The following KLHL28 variants were observed in gnomAD, a reference collection of about 807,000 sequenced individuals.
KLHL28 encodes kelch like family member 28, also known as kelch-like protein 28.
A neutral mutation model predicts 48.3 loss-of-function variants in KLHL28; 22 were observed. That is an observed-to-expected ratio of 0.46 (90% confidence interval 0.33 to 0.65). KLHL28 has a LOEUF of 0.65. Ranked by LOEUF, KLHL28 falls within the 30% of genes least tolerant of loss-of-function variation. The pLI, the probability that KLHL28 is intolerant of heterozygous loss-of-function variation, is 0.03. For synonymous variants in KLHL28, 243 were observed against 242.4 expected (o/e 1.00, Z -0.02); for missense variants, 527 against 704.3 (o/e 0.75, Z 2.85).
At chr14:44,930,056 A>G (rs1028177786) in intron 4 of KLHL28, among the ~76,000 whole-genome samples, 31 of 152,300 alleles carry the variant, frequency 2.0e-4, no homozygotes, top group Middle Eastern at 3.4e-3. Flanking sequence ...TTTAGATATT[A>G]TCTTATATAG....
chr14:44,938,107 A>C (rs936834594), intron 2 of KLHL28, among the ~76,000 whole-genome samples: 7 of 152,142 alleles, frequency 4.6e-5, no homozygotes, highest in Non-Finnish European at 1.0e-4. Context: ...ATAGCCCCAA[A>C]AGTCTTAACT....
rs147901806 is a variant in KLHL28 at position 44,926,817 on chromosome 14, T to G, written c.*2211A>C. 1.3e-5 allele frequency: 2 copies of G among 152,336 alleles called. No homozygotes were observed. Among genetic ancestry groups the G allele is most frequent in the East Asian group, 3.9e-4 (2 of 5,188 alleles). The allele number at this position is 152,336 out of a possible 1,614,324, so 9.4% of individuals were successfully genotyped here. A position where few individuals can be genotyped will look rare whatever the true frequency, so the allele number is the denominator to read the frequency against. Reference sequence around the variant, plus strand: ...GCCACTGCGCCCGTCCTAAAATCATTTTCCACAGTCTTTCAAATTCCCTTA... The same window carrying G: ...GCCACTGCGCCCGTCCTAAAATCATGTTCCACAGTCTTTCAAATTCCCTTA... On this transcript the variant is annotated 3_prime_UTR_variant, in exon 5 of 5. Transcript: ENST00000396128.
intron 4 of KLHL28, 53 bp from the exon 5 acceptor site, chr14:44,929,244 T>G: frequency 7.1e-7 from 1 of 1,405,954 alleles, no homozygotes; most frequent in Non-Finnish European, 9.7e-7. Flanking sequence ...TGAAGTATAC[T>G]TTTTCTCACT....
intron 2 of KLHL28, among the ~76,000 whole-genome samples, chr14:44,941,315 G>T (rs545995670): frequency 6.6e-6 from 1 of 152,008 alleles, no homozygotes; most frequent in Non-Finnish European, 1.5e-5. Context: ...TGTATCTACA[G>T]CATTTCTACA....
At chr14:44,930,762 G>A (rs1009899254) in intron 4 of KLHL28, among the ~76,000 whole-genome samples, 1 of 152,156 alleles carries the variant, frequency 6.6e-6, no homozygotes, top group African/African-American at 2.4e-5. Flanking sequence ...TGTATGAGGA[G>A]TGCTCCCTAA....
At chr14:44,958,973 C>T (rs1884919624) in intron 1 of KLHL28, among the ~76,000 whole-genome samples, 1 of 151,744 alleles carries the variant, frequency 6.6e-6, no homozygotes. Flanking sequence ...AATTTCTTAA[C>T]TTATTAAAGT....
intron 3 of KLHL28, among the ~76,000 whole-genome samples, chr14:44,933,056 G>A (rs1274864795): frequency 1.3e-5 from 2 of 152,034 alleles, no homozygotes; most frequent in Non-Finnish European, 1.5e-5. Flanking sequence ...TAAGCTACAC[G>A]TATCCTCTTG....
intron 2 of KLHL28, among the ~76,000 whole-genome samples, chr14:44,942,623 C>T (rs539763437): frequency 6.6e-6 from 1 of 151,832 alleles, no homozygotes; most frequent in Non-Finnish European, 1.5e-5. Flanking sequence ...GAACCCTTTA[C>T]TTCTGAATAC....
chr14:44,932,963 G>C (rs2138586576), intron 3 of KLHL28, among the ~76,000 whole-genome samples: 1 of 152,208 alleles, frequency 6.6e-6, no homozygotes, highest in Non-Finnish European at 1.5e-5. Flanking sequence ...TAGAGGATTG[G>C]TTCCAGGATC....
Position 44,945,261 on chromosome 14 carries a change from C to G in KLHL28, c.668G>C (p.Ser223Thr). 6.2e-7 allele frequency: 1 copy of G among 1,614,082 alleles called. No homozygotes were observed. Among genetic ancestry groups the G allele is most frequent in the South Asian group, 1.1e-5 (1 of 91,074 alleles). The change falls in exon 2 of 5, where the codon AGT becomes ACT. Residue 223 changes from serine (S) to threonine (T), a missense_variant. Coordinates refer to ENST00000396128, the MANE Select transcript of KLHL28 (RefSeq NM_017658.5). ...RQKYLAQLLN[S>T]VRLPLLSVKF... ...AACACTCAACAATGGTAATCGTACA[C>G]TGTTTAGTAACTGTGCTAAGTATTT...
chr14:44,939,821 T>G (rs771086394), intron 2 of KLHL28, among the ~76,000 whole-genome samples: 3 of 152,212 alleles, frequency 2.0e-5, no homozygotes, highest in Admixed American at 6.5e-5. Flanking sequence ...CACGGCAATC[T>G]AGGCTTCTTC....
intron 2 of KLHL28, among the ~76,000 whole-genome samples, chr14:44,935,341 ACT>A (rs1883763374): frequency 6.6e-6 from 1 of 152,008 alleles, no homozygotes; most frequent in South Asian, 2.1e-4. Context: ...TGTTGGTCAT[ACT>A]CTGTTTCTTG....
rs1883354172 is a variant in KLHL28 at position 44,925,764 on chromosome 14, T to C, written c.*3264A>G. 6.6e-6 allele frequency: 1 copy of C among 152,168 alleles called. No homozygotes were observed. The highest frequency in any genetic ancestry group is 1.5e-5 in the Non-Finnish European group (1 of 67,972). 9.4% of individuals were successfully genotyped at this position (152,168 alleles called of 1,614,324 possible). On this transcript the variant is annotated 3_prime_UTR_variant, in exon 5 of 5. Coordinates refer to ENST00000396128, the MANE Select transcript of KLHL28 (RefSeq NM_017658.5). Reference sequence around the variant, plus strand: ...CTATAATTTAATATTCACTCACATTTAAAACAATAACAGCAATAACACAAT... The same window carrying C: ...CTATAATTTAATATTCACTCACATTCAAAACAATAACAGCAATAACACAAT...
In KLHL28 at chr14:44,945,389, G is replaced by A. The variant is rs141122140; in HGVS notation, c.540C>T (p.Asp180=). ...TEEFFELTHA[D]LDEIVSNDCL... Reference sequence around the variant, plus strand: ...AGTCATTGGAAACAATTTCATCCAAGTCAGCATGTGTAAGCTCAAAAAACT... The same window carrying A: ...AGTCATTGGAAACAATTTCATCCAAATCAGCATGTGTAAGCTCAAAAAACT... The change falls in exon 2 of 5, where the codon GAC becomes GAT. Residue 180 remains aspartate, a synonymous_variant. Transcript: ENST00000396128. The A allele has an allele frequency of 2.8e-5, 45 of 1,614,150 alleles. No homozygotes were observed. In the African/African-American group the frequency reaches 5.2e-4, roughly 19 times the overall value.
intron 2 of KLHL28, among the ~76,000 whole-genome samples, chr14:44,938,735 A>G (rs772297212): frequency 2.0e-5 from 3 of 152,192 alleles, no homozygotes; most frequent in Non-Finnish European, 2.9e-5. Context: ...TCCTGGATAC[A>G]CTGGGGCAGG....
chr14:44,944,692 T>C (rs1884246241), intron 2 of KLHL28, among the ~76,000 whole-genome samples: 1 of 152,100 alleles, frequency 6.6e-6, no homozygotes, highest in South Asian at 2.1e-4. Flanking sequence ...TTGACAATAA[T>C]AAATCTCTTC....
In KLHL28 at chr14:44,926,403, G is replaced by T. The variant is rs1168930637; in HGVS notation, c.*2625C>A. On this transcript the variant is annotated 3_prime_UTR_variant, in exon 5 of 5. Transcript: ENST00000396128. ...AAAACAATGACCAGTATATGTTTTTGATCTAATTTACCAAATGATTATACA... is the reference window on the plus strand; with the variant it reads ...AAAACAATGACCAGTATATGTTTTTTATCTAATTTACCAAATGATTATACA... 2 of 151,982 alleles carry T rather than the reference G, an allele frequency of 1.3e-5. No homozygotes were observed. Among genetic ancestry groups the T allele is most frequent in the Non-Finnish European group, 2.9e-5 (2 of 68,006 alleles). The allele number at this position is 151,982 out of a possible 1,614,324, so 9.4% of individuals were successfully genotyped here.
chr14:44,957,103 T>C (rs1260006892), intron 1 of KLHL28, among the ~76,000 whole-genome samples: 5 of 152,124 alleles, frequency 3.3e-5, no homozygotes, highest in Non-Finnish European at 7.3e-5. Flanking sequence ...CGATTACAGG[T>C]GTGAGCCCCC....
rs569000178 is a variant in KLHL28 at position 44,955,372 on chromosome 14, C to T, written c.-1+6474G>A. On this transcript the variant is annotated intron_variant, in intron 1 of 4. Transcript: ENST00000396128. ...GAAAAGGTCTAGAAACTGACCATCC[C>T]GGTAGCAAAGAACACTTCTAGCATT... Among the ~76,000 whole-genome samples, 114 of 152,112 alleles carry T rather than the reference C, an allele frequency of 7.5e-4. 1 individual carries two copies. The highest frequency in any genetic ancestry group is 2.3e-3 in the African/African-American group (95 of 41,502).
Sources: allele counts gnomAD v4.1 joint callset (sites outside exome capture counted in the v4.1 genomes callset), GRCh38; gene constraint gnomAD v4.1.1; transcripts MANE v1.5; gene names NCBI Gene and HGNC (gene_info 2026-07-23, HGNC 2026-07-21).